Variants in GOLM2 observed in about 807,000 individuals in gnomAD.
GOLM2 encodes the protein protein GOLM2.
Under a neutral mutation model 55.9 loss-of-function variants are expected in GOLM2, and 26 were observed. The ratio of observed to expected loss-of-function variants is 0.47; its 90% confidence interval spans 0.34 to 0.65. GOLM2 has a LOEUF of 0.65. Among genes scored for constraint, GOLM2 ranks in the 30% least tolerant of loss-of-function variants. The pLI is 0.01. For missense variants in GOLM2, 486 were observed against 531.8 expected, an observed-to-expected ratio of 0.91 and a Z score of 0.85; for synonymous variants, 165 against 194.6, an observed-to-expected ratio of 0.85 and a Z score of 1.27.
chr15:44,289,204 G>C lies in GOLM2; in HGVS notation c.175G>C (p.Ala59Pro). The C allele has an allele frequency of 6.2e-7, 1 of 1,614,156 alleles. No individual in the cohort carries two copies. Among genetic ancestry groups the C allele is most frequent in the East Asian group, 2.2e-5 (1 of 44,872 alleles). The change falls in exon 1 of 10, where the codon GCC (alanine) becomes CCC (proline). Residue 59 changes from alanine (A) to proline (P), a missense_variant. Coordinates refer to ENST00000299957, the MANE Select transcript of GOLM2 (RefSeq NM_138423.4). The surrounding 1 kb of genome is among the most constrained non-coding windows in gnomAD (Gnocchi z 4.8). The part of the protein sequence containing the change: ...LQGQVQRTEV[A>P]RGRLEKRNSD... ...GGGCCAGGTCCAGCGCACCGAAGTG[G>C]CCCGCGGGCGGCTGGAAAAGCGCAA...
intron 1 of GOLM2, among the ~76,000 whole-genome samples, chr15:44,315,070 TTTTA>T (rs2078900176): frequency 6.6e-6 from 1 of 152,196 alleles, no homozygotes; most frequent in African/African-American, 2.4e-5. Context: ...CACGTAAGAT[TTTTA>T]AAATTAAAAT....
chr15:44,384,845 G>A (rs1283451206), intron 8 of GOLM2, among the ~76,000 whole-genome samples: 2 of 151,344 alleles, frequency 1.3e-5, no homozygotes, highest in Non-Finnish European at 2.9e-5. Flanking sequence ...GGAGTTGGAG[G>A]TTGCAGTGAG....
chr15:44,407,595 C>T (rs904459792), intron 9 of GOLM2, among the ~76,000 whole-genome samples: 6 of 151,410 alleles, frequency 4.0e-5, no homozygotes, highest in African/African-American at 1.5e-4. Flanking sequence ...CTTTTTGCCC[C>T]GAATTCTTGC....
intron 8 of GOLM2, among the ~76,000 whole-genome samples, chr15:44,393,652 G>A (rs571842379): frequency 7.9e-5 from 12 of 152,148 alleles, no homozygotes; most frequent in Non-Finnish European, 1.2e-4. Context: ...ACACAGTCTC[G>A]CTGTATTGCC....
intron 6 of GOLM2, among the ~76,000 whole-genome samples, chr15:44,347,059 G>C (rs988460640): frequency 7.9e-5 from 12 of 152,150 alleles, no homozygotes; most frequent in Non-Finnish European, 1.8e-4. Context: ...AGGAGTTCGA[G>C]ATTGCAGTGA....
chr15:44,308,487 C>G (rs1412760687), intron 1 of GOLM2: 1 of 152,090 alleles, frequency 6.6e-6, no homozygotes, highest in African/African-American at 2.4e-5. Flanking sequence ...GAGTTCTTCC[C>G]CTCTTTCAGT....
At position 44,413,667 on chromosome 15, in the gene GOLM2, T is replaced by C; in HGVS notation, c.*261T>C. On this transcript the variant is annotated 3_prime_UTR_variant, in exon 10 of 10. Coordinates refer to ENST00000299957, the MANE Select transcript of GOLM2 (RefSeq NM_138423.4). Reference sequence around the variant, plus strand: ...AATCTTTGCATCTAAAGCAAACTAATGTATATTTCACATTTTATTGAGCCG... The same window carrying C: ...AATCTTTGCATCTAAAGCAAACTAACGTATATTTCACATTTTATTGAGCCG... 2.9e-6 allele frequency: 1 copy of C among 348,928 alleles called. No homozygotes were observed. The highest frequency in any genetic ancestry group is 5.2e-6 in the Non-Finnish European group (1 of 191,434). The allele number at this position is 348,928 out of a possible 1,614,324, so 21.6% of individuals were successfully genotyped here.
chr15:44,408,281 T>C (rs1455492430), intron 9 of GOLM2, among the ~76,000 whole-genome samples: 2 of 152,196 alleles, frequency 1.3e-5, no homozygotes, highest in East Asian at 1.9e-4. Flanking sequence ...TTCATAATCA[T>C]GTACTACTGC....
intron 4 of GOLM2, among the ~76,000 whole-genome samples, chr15:44,333,723 CTT>C (rs944310899): frequency 1.4e-5 from 2 of 146,484 alleles, no homozygotes; most frequent in African/African-American, 2.5e-5. Context: ...CTTCTATTCT[CTT>C]TTTTTTTTTG....
chr15:44,403,599 C>G (rs1265947252), intron 9 of GOLM2, among the ~76,000 whole-genome samples: 2 of 152,048 alleles, frequency 1.3e-5, no homozygotes, highest in Non-Finnish European at 2.9e-5. Context: ...ATTATTGATA[C>G]AGCTATGATT....
chr15:44,392,055 G>A (rs1049033194), intron 8 of GOLM2, among the ~76,000 whole-genome samples: 1 of 151,760 alleles, frequency 6.6e-6, no homozygotes, highest in African/African-American at 2.4e-5. Context: ...TCTCCATGTT[G>A]GTCAGGCTGG....
At chr15:44,322,862 GT>G in intron 1 of GOLM2, 102 bp from the exon 2 acceptor site, 3 of 710,470 alleles carry the variant, frequency 4.2e-6, no homozygotes, top group Non-Finnish European at 7.0e-6. Flanking sequence ...AATAACCAGA[GT>G]TTTTTGTTTG....
chr15:44,381,934 T>C (rs1384594602), intron 8 of GOLM2: 1 of 152,178 alleles, frequency 6.6e-6, no homozygotes, highest in African/African-American at 2.4e-5. Flanking sequence ...ATTACAGGCG[T>C]GATTCACTGT....
chr15:44,360,465 C>T (rs546892960), intron 6 of GOLM2, among the ~76,000 whole-genome samples: 2 of 152,276 alleles, frequency 1.3e-5, no homozygotes, highest in Non-Finnish European at 2.9e-5. Flanking sequence ...AAGGCCATTA[C>T]ATAATGGTAA....
At chr15:44,308,896 G>T (rs901924386) in intron 1 of GOLM2, among the ~76,000 whole-genome samples, 9 of 152,104 alleles carry the variant, frequency 5.9e-5, no homozygotes, top group African/African-American at 2.2e-4. Flanking sequence ...TATCTGATAA[G>T]GGTTAATATC....
intron 6 of GOLM2, among the ~76,000 whole-genome samples, chr15:44,359,807 G>C (rs538663505): frequency 3.5e-4 from 53 of 152,294 alleles, no homozygotes; most frequent in Admixed American, 2.8e-3. Context: ...AGAGAGAAAG[G>C]TCGGGTTACC....
chr15:44,330,229 A>AG (rs1170912827), intron 3 of GOLM2, among the ~76,000 whole-genome samples: 9 of 148,148 alleles, frequency 6.1e-5, no homozygotes, highest in African/African-American at 1.7e-4. Context: ...AAAAAAAAAA[A>AG]AAGCTGAGTG....
At chr15:44,357,047 C>T (rs1019908223) in intron 6 of GOLM2, among the ~76,000 whole-genome samples, 1 of 151,972 alleles carries the variant, frequency 6.6e-6, no homozygotes, top group African/African-American at 2.4e-5. Flanking sequence ...TGGCACACCC[C>T]TGTGGTCCCA....
chr15:44,345,706 T>C (rs776181145), intron 6 of GOLM2, among the ~76,000 whole-genome samples: 1 of 152,156 alleles, frequency 6.6e-6, no homozygotes, highest in Non-Finnish European at 1.5e-5. Context: ...AGTAAAAATG[T>C]AAAAATTACC....
Sources: gnomAD v4.1 joint callset for allele counts (sites outside exome capture counted in the v4.1 genomes callset) on GRCh38, gnomAD v4.1.1 for gene constraint, Gnocchi (gnomAD v3.1) non-coding constraint, MANE v1.5 for transcripts, NCBI Gene and HGNC (gene_info 2026-07-23, HGNC 2026-07-21) for gene names.